The following PHACTR4 variants were observed in gnomAD, a reference collection of about 807,000 sequenced individuals.
PHACTR4 encodes the protein protein phosphatase 1, regulatory subunit 124.
Under a neutral mutation model 72.7 loss-of-function variants are expected in PHACTR4, and 51 were observed. The observed-to-expected ratio is 0.70, with a 90% CI of 0.56 to 0.89. The LOEUF is 0.89. PHACTR4 is among the 40% of genes least tolerant of loss of function. The pLI is 0.00. For synonymous variants in PHACTR4, 255 were observed against 302.5 expected (o/e 0.84, Z 1.63); for missense variants, 731 against 861.8 (o/e 0.85, Z 1.90).
chr1:28,474,118 G>A lies in PHACTR4; in HGVS notation c.1388G>A (p.Arg463Lys), dbSNP rs1659765330. The A allele has an allele frequency of 2.5e-6, 4 of 1,613,754 alleles. No homozygotes were observed. Among genetic ancestry groups the A allele is most frequent in the Non-Finnish European group, 3.4e-6 (4 of 1,179,824 alleles). ...GACAGCAGTACGCTGGGTCGGACCAGGTCTCTTCCCATCACTATTGAAATG... is the reference window on the plus strand; with the variant it reads ...GACAGCAGTACGCTGGGTCGGACCAAGTCTCTTCCCATCACTATTGAAATG... ...SEDSSTLGRT[R>K]SLPITIEMLK... Residue 463 changes from arginine (R) to lysine (K), a missense_variant, in exon 7 of 14, where the codon AGG becomes AAG. Coordinates refer to ENST00000373839, the MANE Select transcript of PHACTR4 (RefSeq NM_001048183.3).
chr1:28,473,492 T>G, intron 6 of PHACTR4, 62 bp from the exon 7 acceptor site: 1 of 1,280,126 alleles, frequency 7.8e-7, no homozygotes. Context: ...TTCTAGGCCC[T>G]GGGCCGGCCC....
chr1:28,381,924 C>G (rs758619147), intron 1 of PHACTR4, among the ~76,000 whole-genome samples: 2 of 152,108 alleles, frequency 1.3e-5, no homozygotes, highest in African/African-American at 4.8e-5. Flanking sequence ...TACACCACCA[C>G]GCCAGGCTAA....
At chr1:28,375,973 G>T (rs1651627484) in intron 1 of PHACTR4, among the ~76,000 whole-genome samples, 1 of 152,034 alleles carries the variant, frequency 6.6e-6, no homozygotes, top group African/African-American at 2.4e-5. Flanking sequence ...GGAGGCTGAG[G>T]CAGGAGAATG....
intron 1 of PHACTR4, among the ~76,000 whole-genome samples, chr1:28,387,410 AAATG>A (rs1652647481): frequency 6.6e-6 from 1 of 152,198 alleles, no homozygotes; most frequent in Non-Finnish European, 1.5e-5. Context: ...TCCCTGTTAA[AAATG>A]CTGCCAGTAA....
At chr1:28,494,863 G>T (rs868579250) in intron 13 of PHACTR4, among the ~76,000 whole-genome samples, 1 of 152,182 alleles carries the variant, frequency 6.6e-6, no homozygotes, top group Admixed American at 6.5e-5. Context: ...AGGAAATTCT[G>T]TGTATTTCAG....
intron 2 of PHACTR4, among the ~76,000 whole-genome samples, chr1:28,451,532 G>A (rs939329582): frequency 1.3e-5 from 2 of 151,450 alleles, no homozygotes; most frequent in Non-Finnish European, 2.9e-5. Flanking sequence ...TCAGCCTCCT[G>A]AGTAACTAGG....
intron 2 of PHACTR4, among the ~76,000 whole-genome samples, chr1:28,439,568 G>C (rs943688040): frequency 1.3e-5 from 2 of 152,144 alleles, no homozygotes; most frequent in African/African-American, 4.8e-5. Context: ...CACTAGGGCT[G>C]TGTCTTTATC....
At position 28,440,391 on chromosome 1, in the gene PHACTR4, A is replaced by ATTTTTTTTTT. The variant is rs1414224976; in HGVS notation, c.17-18692_17-18691insTTTTTTTTTT. ...AAAAAAGTAAGAATCAAATTCATCAATTCTTTTTTTTTTTTTTTTTTTGAG... is the reference window on the plus strand; with the variant it reads ...AAAAAAGTAAGAATCAAATTCATCAATTTTTTTTTTTTCTTTTTTTTTTTTTTTTTTTGAG... On this transcript the variant is annotated intron_variant, in intron 2 of 13. Coordinates refer to ENST00000373839, the MANE Select transcript of PHACTR4 (RefSeq NM_001048183.3). Among the ~76,000 whole-genome samples, 20 of 89,964 alleles carry ATTTTTTTTTT rather than the reference A, an allele frequency of 2.2e-4. 2 individuals carry two copies. Among genetic ancestry groups the ATTTTTTTTTT allele is most frequent in the African/African-American group, 6.5e-4 (13 of 19,884 alleles). The allele number at this position is 89,964 out of a possible 152,430, so 59.0% of individuals were successfully genotyped here. A position where few individuals can be genotyped will look rare whatever the true frequency, so the allele number is the denominator to read the frequency against.
intron 1 of PHACTR4, among the ~76,000 whole-genome samples, chr1:28,401,148 T>C (rs1327423515): frequency 6.6e-6 from 1 of 152,036 alleles, no homozygotes; most frequent in African/African-American, 2.4e-5. Context: ...ATTAGATAAG[T>C]GAGCATTGTT....
At chr1:28,426,229 A>G (rs1472981781) in intron 2 of PHACTR4, among the ~76,000 whole-genome samples, 1 of 151,926 alleles carries the variant, frequency 6.6e-6, no homozygotes, top group Non-Finnish European at 1.5e-5. Flanking sequence ...TCAAAAAAAA[A>G]AATTGTGAAT....
At chr1:28,483,868 G>A (rs1388907856) in intron 9 of PHACTR4, among the ~76,000 whole-genome samples, 1 of 151,454 alleles carries the variant, frequency 6.6e-6, no homozygotes, top group African/African-American at 2.4e-5. Context: ...CCAGGATTTG[G>A]CAAACTTCTT....
intron 2 of PHACTR4, among the ~76,000 whole-genome samples, chr1:28,426,092 G>C (rs912173720): frequency 2.0e-5 from 3 of 152,052 alleles, no homozygotes; most frequent in African/African-American, 4.8e-5. Flanking sequence ...GTAGTGGCAG[G>C]CGCCTGTAAT....
intron 2 of PHACTR4, among the ~76,000 whole-genome samples, chr1:28,454,728 A>G (rs905863813): frequency 1.3e-5 from 2 of 152,198 alleles, no homozygotes; most frequent in African/African-American, 2.4e-5. Flanking sequence ...ACACTTTCCA[A>G]TAACACATAA....
chr1:28,395,344 C>T (rs1653413505), intron 1 of PHACTR4, among the ~76,000 whole-genome samples: 1 of 152,134 alleles, frequency 6.6e-6, no homozygotes, highest in South Asian at 2.1e-4. Flanking sequence ...ATGAATTGCC[C>T]TTCCTGTGCT....
intron 2 of PHACTR4, among the ~76,000 whole-genome samples, chr1:28,425,680 T>A (rs1655792322): frequency 6.6e-6 from 1 of 152,242 alleles, no homozygotes; most frequent in African/African-American, 2.4e-5. Flanking sequence ...AGACACATAC[T>A]GTGTTCCCAC....
In PHACTR4 at chr1:28,480,555, AAGG is replaced by A. The variant is rs777919649; in HGVS notation, c.1717_1719del (p.Glu573del). 3.1e-6 allele frequency: 5 copies of A among 1,614,078 alleles called. No individual in the cohort carries two copies. The highest frequency in any genetic ancestry group is 2.2e-5 in the East Asian group (1 of 44,900). On this transcript the variant is annotated inframe_deletion, in exon 9 of 14. Transcript: ENST00000373839. ...CCTGAATTCTTGGCCTTGTAAAAGC[AAGG>A]AGGAGTGGAATGAAATACGGCACCA...
At chr1:28,400,151 T>G (rs1459378683) in intron 1 of PHACTR4, among the ~76,000 whole-genome samples, 1 of 152,086 alleles carries the variant, frequency 6.6e-6, no homozygotes, top group Non-Finnish European at 1.5e-5. Context: ...GGTGGGCAGA[T>G]CACTTGAGGT....
At chr1:28,384,891 C>T (rs183231881) in intron 1 of PHACTR4, among the ~76,000 whole-genome samples, 119 of 152,104 alleles carry the variant, frequency 7.8e-4, no homozygotes, top group African/African-American at 2.3e-3. Context: ...GACTCTATCT[C>T]AAAAAATAAT....
At chr1:28,432,752 A>AT (rs1004494722) in intron 2 of PHACTR4, among the ~76,000 whole-genome samples, 43 of 151,674 alleles carry the variant, frequency 2.8e-4, no homozygotes, top group Admixed American at 9.9e-4. Flanking sequence ...AAGGTGTTTT[A>AT]TTTTTTTTGA....
Sources: allele counts gnomAD v4.1 joint callset (sites outside exome capture counted in the v4.1 genomes callset), GRCh38; gene constraint gnomAD v4.1.1; transcripts MANE v1.5; gene names NCBI Gene and HGNC (gene_info 2026-07-23, HGNC 2026-07-21).